SRBD1: variants seen among roughly 807,000 people sequenced by gnomAD.
SRBD1 encodes the protein S1 RNA binding domain 1.
Under a neutral mutation model 115.3 loss-of-function variants are expected in SRBD1, and 88 were observed. The observed-to-expected ratio is 0.76, with a 90% CI of 0.64 to 0.91. SRBD1 has a LOEUF of 0.91. Ranked by LOEUF, SRBD1 falls within the 40% of genes least tolerant of loss-of-function variation. The pLI is 0.00. For synonymous variants in SRBD1, 509 were observed against 407.7 expected (o/e 1.25, Z -2.99); for missense variants, 1,385 against 1,177.4 (o/e 1.18, Z -2.58).
chr2:45,429,762 T>C (rs1233804795), intron 16 of SRBD1, among the ~76,000 whole-genome samples: 1 of 152,172 alleles, frequency 6.6e-6, no homozygotes, highest in Non-Finnish European at 1.5e-5. Context: ...ACCACTCCTA[T>C]TCAACATAGT....
chr2:45,514,488 G>C (rs975820504), intron 14 of SRBD1, among the ~76,000 whole-genome samples: 1 of 152,128 alleles, frequency 6.6e-6, no homozygotes, highest in Non-Finnish European at 1.5e-5. Flanking sequence ...TTACCACTGC[G>C]TTTAACTCCT....
At chr2:45,455,094 T>C (rs1669112736) in intron 16 of SRBD1, among the ~76,000 whole-genome samples, 1 of 151,920 alleles carries the variant, frequency 6.6e-6, no homozygotes, top group African/African-American at 2.4e-5. Context: ...TGCTATAAAA[T>C]GTTTTTCTAA....
intron 16 of SRBD1, among the ~76,000 whole-genome samples, chr2:45,439,953 C>T (rs1205888208): frequency 6.6e-6 from 1 of 152,040 alleles, no homozygotes; most frequent in East Asian, 1.9e-4. Flanking sequence ...TGGTTTTTGT[C>T]CACTGCAATC....
chr2:45,560,173 T>C (rs538457572), intron 10 of SRBD1, among the ~76,000 whole-genome samples: 46 of 152,254 alleles, frequency 3.0e-4, no homozygotes, highest in Non-Finnish European at 5.4e-4. Context: ...ACATGTTACA[T>C]TGTAGGCTAA....
intron 14 of SRBD1, among the ~76,000 whole-genome samples, chr2:45,493,548 C>T (rs1470427380): frequency 2.0e-5 from 3 of 152,148 alleles, no homozygotes; most frequent in African/African-American, 4.8e-5. Context: ...CGGTGGCACA[C>T]ACCTGTAATC....
At chr2:45,514,133 G>T (rs939206386) in intron 14 of SRBD1, among the ~76,000 whole-genome samples, 7 of 152,126 alleles carry the variant, frequency 4.6e-5, no homozygotes, top group African/African-American at 1.4e-4. Context: ...GTAAAGCCAT[G>T]GGATATGATT....
chr2:45,426,308 C>T (rs1358166434), intron 16 of SRBD1, among the ~76,000 whole-genome samples: 9 of 152,232 alleles, frequency 5.9e-5, no homozygotes, highest in Non-Finnish European at 1.0e-4. Flanking sequence ...AGATTCCTCC[C>T]CTCTGGGCAG....
At chr2:45,503,155 T>C (rs1456724205) in intron 14 of SRBD1, among the ~76,000 whole-genome samples, 1 of 152,238 alleles carries the variant, frequency 6.6e-6, no homozygotes, top group Non-Finnish European at 1.5e-5. Context: ...TACTTTTCTG[T>C]TTTGTTTTAG....
At chr2:45,479,664 T>TG (rs1669903608) in intron 15 of SRBD1, among the ~76,000 whole-genome samples, 10 of 152,178 alleles carry the variant, frequency 6.6e-5, no homozygotes, top group Admixed American at 6.5e-4. Flanking sequence ...AACATAAAAG[T>TG]ACAAGGTGAA....
rs1434282882 is a variant in SRBD1, at chr2:45,547,551, C to G, written c.1737G>C (p.Glu579Asp). ...AATTCAGCAAAAGTGTCTTTATTTT[C>G]TCCGCCTCTCGGAAGCCTTGTCCAC... is the stretch of plus-strand genomic sequence containing the variant. The part of the protein sequence containing the change: ...LHCGQGFREA[E>D]KIKTLLLNFN... Residue 579 changes from glutamate (E) to aspartate (D), a missense_variant, in exon 13 of 21, where the codon GAG becomes GAC. Transcript: ENST00000263736. 1.2e-6 allele frequency: 2 copies of G among 1,613,720 alleles called. No individual in the cohort carries two copies. Among genetic ancestry groups the G allele is most frequent in the Non-Finnish European group, 1.7e-6 (2 of 1,179,750 alleles).
At chr2:45,469,379 G>C (rs1221986453) in intron 16 of SRBD1, among the ~76,000 whole-genome samples, 1 of 152,128 alleles carries the variant, frequency 6.6e-6, no homozygotes, top group Non-Finnish European at 1.5e-5. Flanking sequence ...AAACTGAAAT[G>C]GATCTAGTTT....
chr2:45,538,949 C>T (rs749182776), intron 14 of SRBD1, among the ~76,000 whole-genome samples: 3 of 151,928 alleles, frequency 2.0e-5, no homozygotes, highest in Non-Finnish European at 2.9e-5. Flanking sequence ...AGAATGAAGG[C>T]TATATCATGT....
At chr2:45,553,887 A>G (rs1051681777) in intron 10 of SRBD1, among the ~76,000 whole-genome samples, 157 bp from the exon 11 acceptor site, 1 of 152,226 alleles carries the variant, frequency 6.6e-6, no homozygotes, top group Non-Finnish European at 1.5e-5. Context: ...GTATCTGAAA[A>G]TTATTACTAT....
At chr2:45,482,771 C>T (rs573192086) in intron 15 of SRBD1, among the ~76,000 whole-genome samples, 1 of 152,000 alleles carries the variant, frequency 6.6e-6, no homozygotes, top group Non-Finnish European at 1.5e-5. Flanking sequence ...GTGATTGGTT[C>T]CAGGACCCCT....
chr2:45,462,305 G>T (rs967325878), intron 16 of SRBD1, among the ~76,000 whole-genome samples: 1 of 152,124 alleles, frequency 6.6e-6, no homozygotes, highest in African/African-American at 2.4e-5. Flanking sequence ...CAGAGGTTAT[G>T]GCTGTTATGA....
chr2:45,389,238 A>G lies in SRBD1; in HGVS notation c.*72T>C, dbSNP rs986233757. The G allele has an allele frequency of 6.6e-7, 1 of 1,526,114 alleles. No homozygotes were observed. Among genetic ancestry groups the G allele is most frequent in the Non-Finnish European group, 8.8e-7 (1 of 1,131,786 alleles). The allele number at this position is 1,526,114 out of a possible 1,614,324, so 94.5% of individuals were successfully genotyped here. A position where few individuals can be genotyped will look rare whatever the true frequency, so the allele number is the denominator to read the frequency against. On this transcript the variant is annotated 3_prime_UTR_variant, in exon 21 of 21. Coordinates refer to ENST00000263736, the MANE Select transcript of SRBD1 (RefSeq NM_018079.5). Reference sequence around the variant, plus strand: ...TTCTCATCTGCTACCTAGAGTTTACAAACAACTGACTTATCCTTGTCAATC... The same window carrying G: ...TTCTCATCTGCTACCTAGAGTTTACGAACAACTGACTTATCCTTGTCAATC...
intron 14 of SRBD1, among the ~76,000 whole-genome samples, chr2:45,498,734 G>C (rs78606360): frequency 0.029 from 4,374 of 152,146 alleles, 212 homozygotes; most frequent in African/African-American, 0.1. Flanking sequence ...ATATGAGTGA[G>C]AACATGCAAT....
chr2:45,550,341 C>T (rs1007132975), intron 12 of SRBD1, among the ~76,000 whole-genome samples: 3 of 151,984 alleles, frequency 2.0e-5, no homozygotes, highest in Non-Finnish European at 1.5e-5. Flanking sequence ...CAAGAAAACC[C>T]ATACATACAC....
chr2:45,443,340 A>T (rs1325141404), intron 16 of SRBD1, among the ~76,000 whole-genome samples: 1 of 152,200 alleles, frequency 6.6e-6, no homozygotes, highest in East Asian at 1.9e-4. Flanking sequence ...AATCTTAATA[A>T]CAAGAAGTTT....
Sources: gnomAD v4.1 joint callset for allele counts (sites outside exome capture counted in the v4.1 genomes callset) on GRCh38, gnomAD v4.1.1 for gene constraint, MANE v1.5 for transcripts, NCBI Gene and HGNC (gene_info 2026-07-23, HGNC 2026-07-21) for gene names.